The following TLE1 variants were observed in gnomAD, a reference collection of about 807,000 sequenced individuals.
TLE1 encodes the protein transducin-like enhancer protein 1.
In TLE1, 21 loss-of-function variants were observed where a neutral mutation model predicts 89.8. That is an observed-to-expected ratio of 0.23 (90% CI 0.17 to 0.34). TLE1 has a LOEUF of 0.34. Among genes scored for constraint, TLE1 ranks in the 10% least tolerant of loss-of-function variants. The pLI is 1.00. For synonymous variants in TLE1, 447 were observed against 407.6 expected (o/e 1.10, Z -1.16); for missense variants, 795 against 1,031.2 (o/e 0.77, Z 3.14).
At chr9:81,658,117 G>A (rs549287694) in intron 4 of TLE1, among the ~76,000 whole-genome samples, 2 of 151,600 alleles carry the variant, frequency 1.3e-5, no homozygotes, top group African/African-American at 4.8e-5. Context: ...TCACCATGTA[G>A]AACAGGCTGA....
intron 6 of TLE1, among the ~76,000 whole-genome samples, chr9:81,651,753 G>T (rs1241102431): frequency 6.6e-6 from 1 of 152,068 alleles, no homozygotes; most frequent in Admixed American, 6.6e-5. Flanking sequence ...CTAACCTAAA[G>T]CTTTTACTAG....
chr9:81,677,531 C>CCCCA, intron 4 of TLE1, among the ~76,000 whole-genome samples: 1 of 149,970 alleles, frequency 6.7e-6, no homozygotes, highest in East Asian at 2.0e-4. Flanking sequence ...TGCCACTGCA[C>CCCCA]CCCAGCCTGG....
At chr9:81,594,634 C>G (rs815860) in intron 14 of TLE1, among the ~76,000 whole-genome samples, 1 of 151,972 alleles carries the variant, frequency 6.6e-6, no homozygotes, top group African/African-American at 2.4e-5. Flanking sequence ...GAAGTTCAAA[C>G]CATAAACAAT....
At position 81,587,696 on chromosome 9, in the gene TLE1, G is replaced by A. The variant is rs766051918; in HGVS notation, c.1962C>T (p.His654=). The A allele has an allele frequency of 8.7e-6, 14 of 1,612,732 alleles. No individual in the cohort carries two copies. Among genetic ancestry groups the A allele is most frequent in the East Asian group, 2.2e-5 (1 of 44,866 alleles). The change falls in exon 17 of 20, where the codon CAC becomes CAT. Residue 654 remains histidine (H), a synonymous_variant. Transcript: ENST00000376499. ...DLREGRQLQQ[H]DFTSQIFSLG... ...ACTCAGTCACCTGGGAGGTGAAGTC[G>A]TGCTGCTGCAGCTGCCGCCCCTCGC...
intron 6 of TLE1, among the ~76,000 whole-genome samples, chr9:81,645,654 C>T (rs1005412856): frequency 6.6e-6 from 1 of 151,106 alleles, no homozygotes; most frequent in Non-Finnish European, 1.5e-5. Flanking sequence ...GCAGGAGAAC[C>T]GCTTGAACCC....
In TLE1 at chr9:81,601,243, C is replaced by T. The variant is rs138432551; in HGVS notation, c.1332-7969G>A. Among the ~76,000 whole-genome samples, 386 of 152,268 alleles carry T rather than the reference C, an allele frequency of 2.5e-3. 1 individual carries two copies. Among genetic ancestry groups the T allele is most frequent in the African/African-American group, 8.4e-3 (351 of 41,560 alleles). On this transcript the variant is annotated intron_variant, in intron 14 of 19. Transcript: ENST00000376499. ...AAGTGGGGTGAAAGGGGGAAGCCCC[C>T]GGCCACTGAAACTTTTTCTTGGCTA...
rs150688751 is a variant in TLE1 at position 81,611,850 on chromosome 9, G to A, written c.1173C>T (p.Tyr391=). 3.0e-5 allele frequency: 47 copies of A among 1,563,058 alleles called. No individual in the cohort carries two copies. The highest frequency in any genetic ancestry group is 3.8e-5 in the Non-Finnish European group (44 of 1,158,934). ...NGELTSPGAA[Y]ASLHNMSPQM... ...GGGGCGACATGTTGTGTAAACTGGC[G>A]TAGGCAGCGCCTGGGCTGGTCAGCT... Residue 391 remains tyrosine (Y), a synonymous_variant, in exon 13 of 20, where the codon TAC becomes TAT. Coordinates refer to ENST00000376499, the MANE Select transcript of TLE1 (RefSeq NM_005077.5).
intron 15 of TLE1, among the ~76,000 whole-genome samples, chr9:81,592,381 C>T (rs1237810374): frequency 1.3e-5 from 2 of 152,104 alleles, no homozygotes; most frequent in African/African-American, 2.4e-5. Flanking sequence ...AAAAGAGATC[C>T]GAACATGTCC....
intron 8 of TLE1, among the ~76,000 whole-genome samples, chr9:81,626,123 T>C (rs897860700): frequency 6.6e-6 from 1 of 152,066 alleles, no homozygotes; most frequent in Non-Finnish European, 1.5e-5. Context: ...AATGCAAAAA[T>C]AAAGCACATT....
intron 9 of TLE1, among the ~76,000 whole-genome samples, chr9:81,619,223 T>A (rs1394299501): frequency 6.6e-6 from 1 of 152,192 alleles, no homozygotes; most frequent in Admixed American, 6.5e-5. Flanking sequence ...TGATATGTGC[T>A]AAAAAGTGTT....
intron 4 of TLE1, among the ~76,000 whole-genome samples, chr9:81,680,841 T>C (rs1188131762): frequency 6.6e-6 from 1 of 151,468 alleles, no homozygotes; most frequent in Non-Finnish European, 1.5e-5. Flanking sequence ...GTGCCTATAC[T>C]CTAGCTAGTC....
In TLE1 at chr9:81,607,357, T is replaced by C. The variant is rs566090752; in HGVS notation, c.1331+2863A>G. Among the ~76,000 whole-genome samples the C allele has an allele frequency of 4.4e-4, 62 of 140,800 alleles. No homozygotes were observed. In the South Asian group the frequency reaches 0.014, roughly 31 times the overall value. 92.4% of individuals were successfully genotyped at this position (140,800 alleles called of 152,430 possible). A position where few individuals can be genotyped will look rare whatever the true frequency, so the allele number is the denominator to read the frequency against. ...GTTAATACACACACACACACACACA[T>C]ATAAGGAATAGGGTCCAATTTAACT... On this transcript the variant is annotated intron_variant, in intron 14 of 19. Transcript: ENST00000376499.
At chr9:81,611,711 G>A (rs1488449817) in intron 13 of TLE1, 58 bp downstream of exon 13, 14 of 1,387,718 alleles carry the variant, frequency 1.0e-5, no homozygotes, top group Admixed American at 7.7e-5. Context: ...ACCTGACAGC[G>A]CTCAATGGAG....
At chr9:81,669,618 C>G (rs963466032) in intron 4 of TLE1, among the ~76,000 whole-genome samples, 11 of 152,130 alleles carry the variant, frequency 7.2e-5, no homozygotes, top group African/African-American at 9.7e-5. Context: ...ACCCTCCCCC[C>G]CCACACCAAA....
chr9:81,650,447 T>G (rs1439442340), intron 6 of TLE1, among the ~76,000 whole-genome samples: 1 of 152,218 alleles, frequency 6.6e-6, no homozygotes, highest in African/African-American at 2.4e-5. Flanking sequence ...TTTCTTTTAA[T>G]CAAAACAGGC....
At chr9:81,617,033 A>C (rs1320679437) in intron 9 of TLE1, among the ~76,000 whole-genome samples, 1 of 150,910 alleles carries the variant, frequency 6.6e-6, no homozygotes, top group Non-Finnish European at 1.5e-5. Flanking sequence ...GAATTTCTCG[A>C]GGGATGAAAT....
intron 6 of TLE1, among the ~76,000 whole-genome samples, chr9:81,642,604 G>A (rs2132481995): frequency 6.6e-6 from 1 of 152,138 alleles, no homozygotes; most frequent in East Asian, 1.9e-4. Flanking sequence ...TGAGGCAGGA[G>A]AACTGCTTGA....
At chr9:81,605,471 A>G (rs1409795350) in intron 14 of TLE1, among the ~76,000 whole-genome samples, 1 of 152,170 alleles carries the variant, frequency 6.6e-6, no homozygotes, top group East Asian at 1.9e-4. Flanking sequence ...TGTCACCATA[A>G]ATAGTTTGAG....
At chr9:81,644,035 A>G (rs896070628) in intron 6 of TLE1, among the ~76,000 whole-genome samples, 1 of 152,206 alleles carries the variant, frequency 6.6e-6, no homozygotes. Context: ...TGCAAATCAA[A>G]AACGGGAGAT....
Sources: gnomAD v4.1 joint callset for allele counts (sites outside exome capture counted in the v4.1 genomes callset) on GRCh38, gnomAD v4.1.1 for gene constraint, MANE v1.5 for transcripts, NCBI Gene and HGNC (gene_info 2026-07-23, HGNC 2026-07-21) for gene names.